Variants in WBP2NL observed in about 807,000 individuals in gnomAD.
WBP2NL encodes the protein WBP2 N-terminal like, also known as postacrosomal sheath WW domain-binding protein.
WBP2NL carries 27 observed loss-of-function variants against 23.3 expected under a neutral mutation model. That is an observed-to-expected ratio of 1.16 (90% CI 0.85 to 1.60). The LOEUF (loss-of-function observed/expected upper bound fraction) is 1.60, where lower values mean the gene tolerates loss of function less well. WBP2NL is among the 40% of genes most tolerant of loss of function. WBP2NL has a pLI of 0.00. For missense variants in WBP2NL, 370 were observed against 389.5 expected (o/e 0.95, Z 0.42); for synonymous variants, 151 against 145.9 (o/e 1.03, Z -0.25).
intron 1 of WBP2NL, among the ~76,000 whole-genome samples, chr22:42,000,206 A>G (rs946874910): frequency 6.6e-6 from 1 of 152,198 alleles, no homozygotes; most frequent in Non-Finnish European, 1.5e-5. Flanking sequence ...GCTGATATCC[A>G]GGTCTTTCTT....
At chr22:42,022,779 T>C (rs1182087063) in intron 5 of WBP2NL, among the ~76,000 whole-genome samples, 1 of 152,212 alleles carries the variant, frequency 6.6e-6, no homozygotes, top group Non-Finnish European at 1.5e-5. Flanking sequence ...CCACTGCTAC[T>C]GAATGGGGTT....
At chr22:42,057,285 C>A (rs1926074448) in intron 8 of WBP2NL, among the ~76,000 whole-genome samples, 1 of 152,068 alleles carries the variant, frequency 6.6e-6, no homozygotes, top group Admixed American at 6.6e-5. Flanking sequence ...TTTGCTGATT[C>A]TTTTTCTGTC....
At chr22:42,048,564 G>A (rs1925689385) in intron 8 of WBP2NL, among the ~76,000 whole-genome samples, 1 of 151,834 alleles carries the variant, frequency 6.6e-6, no homozygotes, top group Non-Finnish European at 1.5e-5. Context: ...AGACCATCCT[G>A]GCTAACACAG....
chr22:42,049,976 C>CAAAAAA (rs34787117), intron 8 of WBP2NL, among the ~76,000 whole-genome samples: 1 of 84,410 alleles, frequency 1.2e-5, no homozygotes, highest in Admixed American at 1.5e-4. Context: ...GACTCCGTCT[C>CAAAAAA]AAAAAAAAAA....
intron 5 of WBP2NL, among the ~76,000 whole-genome samples, chr22:42,026,514 A>G (rs774354454): frequency 6.6e-6 from 1 of 152,058 alleles, no homozygotes; most frequent in Non-Finnish European, 1.5e-5. Context: ...AGTAAAACAC[A>G]TATCTGTGCA....
intron 1 of WBP2NL, among the ~76,000 whole-genome samples, chr22:42,006,180 A>G (rs1922219482): frequency 1.3e-5 from 2 of 151,310 alleles, no homozygotes; most frequent in Admixed American, 1.3e-4. Context: ...TTAGGCATTC[A>G]TGGATCATTA....
intron 8 of WBP2NL, among the ~76,000 whole-genome samples, chr22:42,040,854 A>G (rs968436554): frequency 6.6e-6 from 1 of 152,238 alleles, no homozygotes; most frequent in African/African-American, 2.4e-5. Flanking sequence ...AATATGTTCC[A>G]TGTATACTTG....
chr22:42,014,111 A>T (rs1276250145), intron 1 of WBP2NL, among the ~76,000 whole-genome samples: 1 of 151,308 alleles, frequency 6.6e-6, no homozygotes, highest in Non-Finnish European at 1.5e-5. Flanking sequence ...AGTAGAGGTG[A>T]GGTTTCACTA....
intron 8 of WBP2NL, among the ~76,000 whole-genome samples, chr22:42,056,640 TAAC>T (rs1926042398): frequency 1.3e-5 from 2 of 152,132 alleles, no homozygotes; most frequent in South Asian, 2.1e-4. Flanking sequence ...TTTGGCCAAA[TAAC>T]AAATTTTTTC....
At chr22:42,022,827 T>C (rs1246651544) in intron 5 of WBP2NL, among the ~76,000 whole-genome samples, 2 of 152,234 alleles carry the variant, frequency 1.3e-5, no homozygotes, top group African/African-American at 4.8e-5. Flanking sequence ...CACTGCCTAC[T>C]GGTGGGCCAC....
intron 1 of WBP2NL, among the ~76,000 whole-genome samples, chr22:42,007,766 A>C (rs1263601306): frequency 1.3e-5 from 2 of 152,166 alleles, no homozygotes; most frequent in Non-Finnish European, 2.9e-5. Context: ...ATTCCATTGT[A>C]TGTATGTGCC....
chr22:42,050,172 C>G (rs1925785740), intron 8 of WBP2NL, among the ~76,000 whole-genome samples: 1 of 151,716 alleles, frequency 6.6e-6, no homozygotes. Context: ...CAAAAATTAG[C>G]TGGGCATTCC....
Position 41,998,841 on chromosome 22 carries a change from C to T in WBP2NL, c.23C>T (p.Thr8Ile), listed in dbSNP as rs758765459. 6.2e-7 allele frequency: 1 copy of T among 1,612,340 alleles called. No individual in the cohort carries two copies. The highest frequency in any genetic ancestry group is 2.2e-5 in the East Asian group (1 of 44,844). Reference protein sequence around the residue: MAVNQSHTENRRGALIPN... With the variant: MAVNQSHIENRRGALIPN... ...AAGATGGCGGTGAATCAGAGCCACA[C>T]CGAGAACCGCCGCGGAGCCCTCATC... Residue 8 changes from threonine (T) to isoleucine (I), a missense_variant, in exon 1 of 6, where the codon ACC (threonine) becomes ATC (isoleucine). Coordinates refer to ENST00000328823, the MANE Select transcript of WBP2NL (RefSeq NM_152613.3).
chr22:42,037,807 A>C (rs576345624), downstream of WBP2NL, among the ~76,000 whole-genome samples: 1 of 150,322 alleles, frequency 6.7e-6, no homozygotes, highest in African/African-American at 2.5e-5. Flanking sequence ...CATTAGTTCT[A>C]CCAGTTTCGG....
intron 1 of WBP2NL, among the ~76,000 whole-genome samples, chr22:42,004,129 A>G (rs1390851877): frequency 6.6e-6 from 1 of 152,108 alleles, no homozygotes; most frequent in Non-Finnish European, 1.5e-5. Flanking sequence ...AAAATTTGCC[A>G]GGCGTGGTGG....
In WBP2NL at chr22:41,998,816, A is replaced by C. The variant is rs374570723; in HGVS notation, c.-3A>C. On this transcript the variant is annotated 5_prime_UTR_variant, in exon 1 of 6. Coordinates refer to ENST00000328823, the MANE Select transcript of WBP2NL (RefSeq NM_152613.3). ...TACGGGGCGGCAGGAGGCCCGAAGC[A>C]AGATGGCGGTGAATCAGAGCCACAC... 1.2e-6 allele frequency: 2 copies of C among 1,609,468 alleles called. No individual in the cohort carries two copies. Among genetic ancestry groups the C allele is most frequent in the Non-Finnish European group, 1.7e-6 (2 of 1,177,172 alleles).
At chr22:42,008,424 C>G (rs1283725557) in intron 1 of WBP2NL, among the ~76,000 whole-genome samples, 1 of 151,622 alleles carries the variant, frequency 6.6e-6, no homozygotes, top group African/African-American at 2.4e-5. Flanking sequence ...CCAGGCTGGT[C>G]TCAAACTCTT....
chr22:42,043,155 A>T (rs1298307331), intron 8 of WBP2NL, among the ~76,000 whole-genome samples: 1 of 151,846 alleles, frequency 6.6e-6, no homozygotes, highest in Non-Finnish European at 1.5e-5. Flanking sequence ...CATTGGTTCT[A>T]GTGGTCCTCC....
At chr22:41,999,795 C>G (rs1481008560) in intron 1 of WBP2NL, among the ~76,000 whole-genome samples, 1 of 152,160 alleles carries the variant, frequency 6.6e-6, no homozygotes, top group African/African-American at 2.4e-5. Flanking sequence ...GAACAGATGC[C>G]TGGGCACAAC....
Sources: allele counts gnomAD v4.1 joint callset (sites outside exome capture counted in the v4.1 genomes callset), GRCh38; gene constraint gnomAD v4.1.1; transcripts MANE v1.5; gene names NCBI Gene and HGNC (gene_info 2026-07-23, HGNC 2026-07-21).